RAVER2: variants seen among roughly 807,000 people sequenced by gnomAD.
RAVER2 encodes ribonucleoprotein PTB-binding 2.
A neutral mutation model predicts 78.1 loss-of-function variants in RAVER2; 46 were observed. That is an observed-to-expected ratio of 0.59 (90% confidence interval 0.46 to 0.75). RAVER2 has a LOEUF of 0.75. Among genes scored for constraint, RAVER2 ranks in the 30% least tolerant of loss-of-function variants. The probability of loss-of-function intolerance (pLI) is 0.00; values close to 1 mark genes in which losing one functional copy is unlikely to be tolerated. For synonymous variants in RAVER2, 311 were observed against 313.3 expected (o/e 0.99, Z 0.08); for missense variants, 793 against 837.5 (o/e 0.95, Z 0.66).
chr1:64,825,312 C>T (rs1653983274), intron 11 of RAVER2, among the ~76,000 whole-genome samples: 1 of 152,144 alleles, frequency 6.6e-6, no homozygotes, highest in African/African-American at 2.4e-5. Flanking sequence ...GGGCTTGATT[C>T]AGATCTCAGG....
chr1:64,788,740 C>T (rs1268207509), intron 4 of RAVER2, among the ~76,000 whole-genome samples: 2 of 146,012 alleles, frequency 1.4e-5, no homozygotes, highest in African/African-American at 2.6e-5. Context: ...TGCAGTGAGT[C>T]GAGATCACGC....
Position 64,768,636 on chromosome 1 carries a change from C to A in RAVER2, c.250-20C>A. On this transcript the variant is annotated intron_variant, in intron 1 of 11. Coordinates refer to ENST00000294428, the Ensembl canonical transcript of RAVER2. ...ACTGCATTTGTATGTTTACTGAATTCGTGTTTTTTTCTCTTTCAGGAAGTT... is the reference window on the plus strand; with the variant it reads ...ACTGCATTTGTATGTTTACTGAATTAGTGTTTTTTTCTCTTTCAGGAAGTT... 6.9e-7 allele frequency: 1 copy of A among 1,450,568 alleles called. No homozygotes were observed. The highest frequency in any genetic ancestry group is 1.8e-4 in the Middle Eastern group (1 of 5,714). 89.9% of individuals were successfully genotyped at this position (1,450,568 alleles called of 1,614,324 possible).
intron 1 of RAVER2, among the ~76,000 whole-genome samples, chr1:64,759,539 C>T (rs1390784615): frequency 2.1e-5 from 3 of 143,284 alleles, no homozygotes; most frequent in South Asian, 2.2e-4. Flanking sequence ...TTTTTTGAGA[C>T]GGAGCTTCGC....
chr1:64,807,575 CT>C, intron 9 of RAVER2, 101 bp downstream of exon 9: 1 of 1,181,462 alleles, frequency 8.5e-7, no homozygotes, highest in Non-Finnish European at 1.1e-6. Flanking sequence ...GAAATGATGA[CT>C]TTTTCATAGT....
At position 64,778,048 on chromosome 1, in the gene RAVER2, C is replaced by G. The variant is rs371245537; in HGVS notation, c.742C>G (p.Leu248Val). The G allele has an allele frequency of 4.0e-5, 65 of 1,613,488 alleles. No homozygotes were observed. The highest frequency in any genetic ancestry group is 5.1e-5 in the Non-Finnish European group (60 of 1,179,786). ...CAGTGACTACAGGGATTCAGAAGAG[C>G]TGTTGCAAATTTTTTCCAGTGTCCA... The change falls in exon 3 of 12, where the codon CTG (leucine) becomes GTG (valine). Residue 248 changes from leucine to valine, a missense_variant. By Grantham distance (32) the Leu-to-Val change is conservative (BLOSUM62 1). Coordinates refer to ENST00000294428, the Ensembl canonical transcript of RAVER2.
Position 64,769,909 on chromosome 1 carries a change from C to T in RAVER2, c.316+1187C>T, listed in dbSNP as rs12565799. On this transcript the variant is annotated intron_variant, in intron 2 of 11. Transcript: ENST00000294428. ...ATGGTAGTCTCTGTTTTAAACTTTT[C>T]ATAAATGGCATTCTAATGTATATTT... Among the ~76,000 whole-genome samples the T allele has an allele frequency of 0.031, 4,777 of 152,108 alleles. 398 individuals carry two copies. In the East Asian group the frequency reaches 0.32, roughly 10 times the overall value.
rs575994896 is a variant in RAVER2 at position 64,821,058 on chromosome 1, G to A, written c.1929+6218G>A. Reference sequence around the variant, plus strand: ...AGTGTTCCCTTTTCTCCACAACCTCGCCAGCATCTGCTATTTTTTGACATT... The same window carrying A: ...AGTGTTCCCTTTTCTCCACAACCTCACCAGCATCTGCTATTTTTTGACATT... On this transcript the variant is annotated intron_variant, in intron 11 of 11. Coordinates refer to ENST00000294428, the Ensembl canonical transcript of RAVER2. Among the ~76,000 whole-genome samples, 9 of 152,124 alleles carry A rather than the reference G, an allele frequency of 5.9e-5. No homozygotes were observed. In the South Asian group the frequency reaches 1.2e-3, roughly 21 times the overall value.
At chr1:64,763,120 T>C (rs561738153) in intron 1 of RAVER2, among the ~76,000 whole-genome samples, 42 of 151,984 alleles carry the variant, frequency 2.8e-4, no homozygotes, top group Middle Eastern at 6.8e-3. Flanking sequence ...CCATCCTGGC[T>C]AACACGGTGA....
chr1:64,776,019 CAAAAAAAAAA>C (rs34578439), intron 2 of RAVER2, among the ~76,000 whole-genome samples: 1 of 87,480 alleles, frequency 1.1e-5, no homozygotes, highest in Admixed American at 1.3e-4. Context: ...ACTCTTGTCT[CAAAAAAAAAA>C]AAAAAAAAGG....
At chr1:64,788,459 G>A (rs1019248411) in intron 4 of RAVER2, among the ~76,000 whole-genome samples, 4 of 151,602 alleles carry the variant, frequency 2.6e-5, no homozygotes, top group Admixed American at 6.6e-5. Flanking sequence ...GCAACAGAGT[G>A]AGACTCCGTC....
At chr1:64,800,075 T>G (rs1168859565) in intron 5 of RAVER2, among the ~76,000 whole-genome samples, 1 of 152,104 alleles carries the variant, frequency 6.6e-6, no homozygotes, top group African/African-American at 2.4e-5. Context: ...GAAATGTCTG[T>G]TCAGATCCTT....
intron 1 of RAVER2, among the ~76,000 whole-genome samples, chr1:64,757,127 A>G (rs1651876906): frequency 6.6e-6 from 1 of 152,262 alleles, no homozygotes; most frequent in Non-Finnish European, 1.5e-5. Flanking sequence ...ACTTAAGGGA[A>G]GGGTCCTATG....
At chr1:64,785,595 C>T (rs1652757549) in intron 4 of RAVER2, among the ~76,000 whole-genome samples, 1 of 152,076 alleles carries the variant, frequency 6.6e-6, no homozygotes, top group African/African-American at 2.4e-5. Flanking sequence ...TCTTGAACTC[C>T]TGACCTCAAG....
At chr1:64,822,685 G>GGT (rs1194600454) in intron 11 of RAVER2, among the ~76,000 whole-genome samples, 1 of 152,208 alleles carries the variant, frequency 6.6e-6, no homozygotes, top group Non-Finnish European at 1.5e-5. Flanking sequence ...TTGACTCCTA[G>GGT]GTGTATCCAA....
At position 64,777,838 on chromosome 1, in the gene RAVER2, G is replaced by C. The variant is rs370464465; in HGVS notation, c.532G>C (p.Val178Leu). The C allele has an allele frequency of 5.8e-5, 94 of 1,613,946 alleles. No individual in the cohort carries two copies. The highest frequency in any genetic ancestry group is 7.4e-5 in the Non-Finnish European group (87 of 1,179,950). Reference sequence around the variant, plus strand: ...GAGATGTTTTCTGGTCTATAGTGAAGTTACTGGCCATTCCAAAGGCTATGG... The same window carrying C: ...GAGATGTTTTCTGGTCTATAGTGAACTTACTGGCCATTCCAAAGGCTATGG... Residue 178 changes from valine to leucine, a missense_variant, in exon 3 of 12, where the codon GTT becomes CTT. Transcript: ENST00000294428.
At chr1:64,818,306 A>T (rs900971128) in intron 11 of RAVER2, among the ~76,000 whole-genome samples, 3 of 152,110 alleles carry the variant, frequency 2.0e-5, no homozygotes, top group African/African-American at 7.2e-5. Context: ...GGAAGCAAAG[A>T]TGGGCGGATC....
At chr1:64,768,123 C>G (rs983909085) in intron 1 of RAVER2, among the ~76,000 whole-genome samples, 2 of 151,764 alleles carry the variant, frequency 1.3e-5, no homozygotes, top group African/African-American at 2.4e-5. Context: ...CGTTTGTGCT[C>G]TAAGCATCTA....
chr1:64,768,533 AT>A (rs35506383), intron 1 of RAVER2, 122 bp from the exon 2 acceptor site: 74,176 of 482,706 alleles, frequency 0.15, 809 homozygotes, highest in Admixed American at 0.2. Flanking sequence ...CCATGAAATA[AT>A]TTTTTTTTTT....
rs1225259734 is a variant in RAVER2, at chr1:64,745,440, G to C, written c.249+19G>C. 1.3e-6 allele frequency: 2 copies of C among 1,515,632 alleles called. No individual in the cohort carries two copies. The highest frequency in any genetic ancestry group is 1.2e-5 in the South Asian group (1 of 83,404). The allele number at this position is 1,515,632 out of a possible 1,614,324, so 93.9% of individuals were successfully genotyped here. Reference sequence around the variant, plus strand: ...CTGCCAGGTACTGGGACGGTGATAGGGGCGACGCGTCCCGAGGGGCGGCGG... The same window carrying C: ...CTGCCAGGTACTGGGACGGTGATAGCGGCGACGCGTCCCGAGGGGCGGCGG... On this transcript the variant is annotated intron_variant, in intron 1 of 11. Transcript: ENST00000294428. This position sits in a 1 kb window ranked among gnomAD's most constrained non-coding sequence, Gnocchi z 4.3.
Sources: allele counts gnomAD v4.1 joint callset (sites outside exome capture counted in the v4.1 genomes callset), GRCh38; gene constraint gnomAD v4.1.1; non-coding constraint Gnocchi (gnomAD v3.1); transcripts MANE v1.5; gene names NCBI Gene and HGNC (gene_info 2026-07-23, HGNC 2026-07-21).